Variants in TEX9 observed in about 807,000 individuals in gnomAD.
TEX9 encodes the protein testis-expressed protein 9.
In TEX9, 74 loss-of-function variants were observed where a neutral mutation model predicts 59.6. The ratio of observed to expected loss-of-function variants is 1.24; its 90% CI spans 1.03 to 1.51. The LOEUF (loss-of-function observed/expected upper bound fraction) is 1.51, where lower values mean the gene tolerates loss of function less well. Ranked by LOEUF, TEX9 falls within the 40% of genes most tolerant of loss-of-function variation. The pLI is 0.00. For missense variants in TEX9, 522 were observed against 447.8 expected (o/e 1.17, Z -1.49); for synonymous variants, 186 against 152.2 (o/e 1.22, Z -1.64).
chr15:56,351,737 A>T (rs1466194701), intron 1 of TEX9, among the ~76,000 whole-genome samples: 1 of 152,260 alleles, frequency 6.6e-6, no homozygotes, highest in African/African-American at 2.4e-5. Context: ...GTTTCAAAAA[A>T]TCATTTTCAA....
At chr15:56,445,479 GA>G (rs1259188437) in intron 12 of TEX9, among the ~76,000 whole-genome samples, 1 of 151,966 alleles carries the variant, frequency 6.6e-6, no homozygotes, top group African/African-American at 2.4e-5. Flanking sequence ...ATTAAAATAT[GA>G]ATACTGAATG....
exon 8 of TEX9, chr15:56,394,236 T>A (rs1267387112): frequency 6.2e-7 from 1 of 1,604,768 alleles, no homozygotes; most frequent in East Asian, 2.2e-5. Flanking sequence ...TGTATGTGAA[T>A]GCAATAAAAA....
chr15:56,340,392 G>T (rs1321360997), intron 1 of TEX9, among the ~76,000 whole-genome samples: 8 of 152,032 alleles, frequency 5.3e-5, no homozygotes. Flanking sequence ...ATACATCATT[G>T]GTTGTCAGTA....
At chr15:56,446,664 A>G (rs1315124519), downstream of TEX9, among the ~76,000 whole-genome samples, 4 of 152,072 alleles carry the variant, frequency 2.6e-5, no homozygotes, top group African/African-American at 4.8e-5. Context: ...GAAAGGCTCT[A>G]ATATTAAAAA....
At chr15:56,421,079 A>C (rs1022145252) in intron 10 of TEX9, among the ~76,000 whole-genome samples, 2 of 151,788 alleles carry the variant, frequency 1.3e-5, no homozygotes, top group Non-Finnish European at 2.9e-5. Flanking sequence ...AGTGTTGTTC[A>C]ATACTTCTGT....
At chr15:56,266,967 C>T (rs2044400642) in intron 1 of TEX9, among the ~76,000 whole-genome samples, 1 of 152,192 alleles carries the variant, frequency 6.6e-6, no homozygotes, top group East Asian at 1.9e-4. Context: ...CCCTATTTCT[C>T]CACATCCTCT....
At chr15:56,288,184 C>T (rs2141487907) in intron 1 of TEX9, among the ~76,000 whole-genome samples, 1 of 152,266 alleles carries the variant, frequency 6.6e-6, no homozygotes, top group Admixed American at 6.5e-5. Flanking sequence ...TTCTTGCCCA[C>T]ACTTATCTTT....
intron 1 of TEX9, among the ~76,000 whole-genome samples, chr15:56,271,044 C>T (rs1338580819): frequency 6.6e-6 from 1 of 152,120 alleles, no homozygotes. Flanking sequence ...GTAACATGAC[C>T]TTTCTCTCTG....
intron 1 of TEX9, among the ~76,000 whole-genome samples, chr15:56,273,662 A>G (rs890842108): frequency 6.6e-6 from 1 of 152,148 alleles, no homozygotes; most frequent in African/African-American, 2.4e-5. Context: ...TTTGTCTGAA[A>G]GTCTTTATTT....
intron 1 of TEX9, among the ~76,000 whole-genome samples, chr15:56,292,353 C>G (rs182557049): frequency 6.6e-6 from 1 of 152,236 alleles, no homozygotes; most frequent in East Asian, 1.9e-4. Context: ...AACACACTGG[C>G]AGAGAGCATC....
At chr15:56,422,632 ATT>A (rs1452993661) in intron 10 of TEX9, among the ~76,000 whole-genome samples, 1 of 151,834 alleles carries the variant, frequency 6.6e-6, no homozygotes, top group African/African-American at 2.4e-5. Context: ...TAAACTCTAC[ATT>A]GTTAATTTAA....
chr15:56,389,367 A>C, exon 6 of TEX9: 1 of 1,610,956 alleles, frequency 6.2e-7, no homozygotes, highest in Non-Finnish European at 8.5e-7. Context: ...AACAAATTAC[A>C]CTCTGCAAAT....
intron 1 of TEX9, among the ~76,000 whole-genome samples, chr15:56,274,322 T>G (rs1392882323): frequency 6.6e-6 from 1 of 152,236 alleles, no homozygotes; most frequent in Non-Finnish European, 1.5e-5. Context: ...CATTAATTTC[T>G]TATAATTTCC....
At chr15:56,454,608 A>T in the TEX9 span, among the ~76,000 whole-genome samples, 1 of 152,068 alleles carries the variant, frequency 6.6e-6, no homozygotes, top group African/African-American at 2.4e-5. Context: ...GTTGGATTTT[A>T]AAAGTTTTAT....
chr15:56,412,497 C>T lies in TEX9; in HGVS notation c.963+61C>T. 3.3e-6 allele frequency: 5 copies of T among 1,493,212 alleles called. No homozygotes were observed. The South Asian group carries it at 5.1e-5, about 15-fold the overall frequency. The allele number at this position is 1,493,212 out of a possible 1,614,324, so 92.5% of individuals were successfully genotyped here. On this transcript the variant is annotated intron_variant, in intron 10 of 12. Coordinates refer to ENST00000352903, the Ensembl canonical transcript of TEX9. ...TTTTGGTAACTACTTCTTTTATGAA[C>T]ATGTCAAAAATAATACTTAAATTAT...
intron 1 of TEX9, among the ~76,000 whole-genome samples, chr15:56,329,111 G>A (rs960406930): frequency 1.3e-5 from 2 of 152,186 alleles, no homozygotes; most frequent in African/African-American, 2.4e-5. Flanking sequence ...TGGGGAGAAA[G>A]TAAGGGGAGA....
chr15:56,250,612 A>G (rs1170539783), intron 1 of TEX9, among the ~76,000 whole-genome samples: 1 of 152,056 alleles, frequency 6.6e-6, no homozygotes, highest in African/African-American at 2.4e-5. Flanking sequence ...GTAGTAGGAG[A>G]TATATATTTT....
At chr15:56,322,983 T>C (rs1223510699) in intron 1 of TEX9, among the ~76,000 whole-genome samples, 2 of 151,980 alleles carry the variant, frequency 1.3e-5, no homozygotes, top group Non-Finnish European at 2.9e-5. Flanking sequence ...CACAGAGTAC[T>C]TCCTAACAAA....
intron 1 of TEX9, among the ~76,000 whole-genome samples, chr15:56,252,379 C>CT (rs3050136): frequency 0.1 from 11,987 of 119,490 alleles, 1,212 homozygotes; most frequent in East Asian, 0.45. Context: ...TTAGAAAAAC[C>CT]TTTTTTTTTT....
Sources: gnomAD v4.1 joint callset for allele counts (sites outside exome capture counted in the v4.1 genomes callset) on GRCh38, gnomAD v4.1.1 for gene constraint, MANE v1.5 for transcripts, NCBI Gene and HGNC (gene_info 2026-07-23, HGNC 2026-07-21) for gene names.